Variants in ATP9A observed in about 807,000 individuals in gnomAD.
The protein encoded by ATP9A is probable phospholipid-transporting ATPase IIA.
ATP9A carries 52 observed loss-of-function variants against 144.1 expected under a neutral mutation model. The observed-to-expected ratio is 0.36, with a 90% confidence interval of 0.29 to 0.45. The LOEUF is 0.45. Among genes scored for constraint, ATP9A ranks in the 20% least tolerant of loss-of-function variants. ATP9A has a pLI of 1.00. For synonymous variants in ATP9A, 582 were observed against 557.4 expected (o/e 1.04, Z -0.62); for missense variants, 947 against 1,392.7 (o/e 0.68, Z 5.09).
intron 3 of ATP9A, among the ~76,000 whole-genome samples, chr20:51,720,397 T>C (rs2077683597): frequency 2.6e-5 from 4 of 152,216 alleles, no homozygotes; most frequent in Admixed American, 1.3e-4. Context: ...CATAAAACTA[T>C]AGAGTTTGTA....
At chr20:51,764,437 CAAG>C (rs1008998270) in intron 1 of ATP9A, among the ~76,000 whole-genome samples, 47 of 152,332 alleles carry the variant, frequency 3.1e-4, no homozygotes, top group Non-Finnish European at 4.1e-4. Context: ...GTAACTTTCT[CAAG>C]AGAGAAAAGA....
chr20:51,724,526 T>C (rs2077704012), intron 3 of ATP9A, among the ~76,000 whole-genome samples: 1 of 152,234 alleles, frequency 6.6e-6, no homozygotes, highest in African/African-American at 2.4e-5. Context: ...ATACTAAATG[T>C]ATCTGGGATA....
chr20:51,712,939 C>G, intron 4 of ATP9A, 27 bp downstream of exon 4: 1 of 1,578,608 alleles, frequency 6.3e-7, no homozygotes, highest in Non-Finnish European at 8.6e-7. Flanking sequence ...AGCTGCAACC[C>G]TGTGGCCCAG....
chr20:51,657,117 T>G lies in ATP9A; in HGVS notation c.1327A>C (p.Thr443Pro). Residue 443 changes from threonine to proline, a missense_variant, in exon 14 of 28, where the codon ACG (threonine) becomes CCG (proline). This residue lies in a region of ATP9A where 770 missense variants were observed against 1,047.9 expected (regional missense o/e 0.73). Transcript: ENST00000338821. ...SQDPPAQKGP[T>P]LTTKVRRTMS... ...GTCCGCCGGACCTTAGTGGTGAGCGTTGGGCCCTTCTGAGCCGGTGGGTCC... is the reference window on the plus strand; with the variant it reads ...GTCCGCCGGACCTTAGTGGTGAGCGGTGGGCCCTTCTGAGCCGGTGGGTCC... 6.2e-7 allele frequency: 1 copy of G among 1,614,096 alleles called. No individual in the cohort carries two copies. The highest frequency in any genetic ancestry group is 8.5e-7 in the Non-Finnish European group (1 of 1,180,014).
chr20:51,686,758 A>C (rs2077524771), intron 9 of ATP9A, among the ~76,000 whole-genome samples: 1 of 152,134 alleles, frequency 6.6e-6, no homozygotes, highest in Admixed American at 6.6e-5. Flanking sequence ...AACATGGTGA[A>C]ATCCCATCTT....
chr20:51,639,896 G>A (rs2077311428), intron 14 of ATP9A, among the ~76,000 whole-genome samples: 1 of 152,120 alleles, frequency 6.6e-6, no homozygotes, highest in South Asian at 2.1e-4. Flanking sequence ...GACCAGCCTG[G>A]CCAATATGGT....
chr20:51,679,161 T>C (rs1437857994), intron 9 of ATP9A, among the ~76,000 whole-genome samples: 1 of 151,230 alleles, frequency 6.6e-6, no homozygotes, highest in South Asian at 2.1e-4. Context: ...CCATCTCTAC[T>C]AAAAATATAA....
rs531597927 is a variant in ATP9A at position 51,618,079 on chromosome 20, A to G, written c.2351-525T>C. ...TACTAAAAATACAAAAATTAGCCAC[A>G]CGTGGTGGTGCACGCCTGCAGTCCC... On this transcript the variant is annotated intron_variant, in intron 21 of 27. Transcript: ENST00000338821. Among the ~76,000 whole-genome samples the G allele has an allele frequency of 1.2e-4, 18 of 152,112 alleles. No individual in the cohort carries two copies. In the East Asian group the frequency reaches 3.1e-3, roughly 26 times the overall value.
intron 9 of ATP9A, among the ~76,000 whole-genome samples, chr20:51,688,038 C>T (rs1453456605): frequency 2.6e-5 from 4 of 152,236 alleles, no homozygotes; most frequent in African/African-American, 9.6e-5. Flanking sequence ...AGTTCCAACT[C>T]TGCCTTTCAC....
chr20:51,664,384 C>G (rs989653799), intron 13 of ATP9A, among the ~76,000 whole-genome samples: 1 of 151,878 alleles, frequency 6.6e-6, no homozygotes, highest in Non-Finnish European at 1.5e-5. Flanking sequence ...CCCAGGAGTT[C>G]GAGACCAGCC....
intron 9 of ATP9A, among the ~76,000 whole-genome samples, chr20:51,677,366 A>G (rs555261644): frequency 6.6e-6 from 1 of 152,274 alleles, no homozygotes; most frequent in African/African-American, 2.4e-5. Flanking sequence ...AATTAAATAC[A>G]GCGCCCACCC....
chr20:51,749,298 C>A (rs894616068), intron 1 of ATP9A, among the ~76,000 whole-genome samples: 1 of 152,110 alleles, frequency 6.6e-6, no homozygotes. Context: ...AGTCTCACTC[C>A]GTCACCCAGG....
rs1243301735 is a variant in ATP9A at position 51,611,172 on chromosome 20, AG to A, written c.2572-1008del. Among the ~76,000 whole-genome samples, 1 of 152,230 alleles carries A rather than the reference AG, an allele frequency of 6.6e-6. No individual in the cohort carries two copies. The highest frequency in any genetic ancestry group is 1.9e-4 in the East Asian group (1 of 5,206). On this transcript the variant is annotated intron_variant, in intron 23 of 27. Coordinates refer to ENST00000338821, the MANE Select transcript of ATP9A (RefSeq NM_006045.3). This position sits in a 1 kb window ranked among gnomAD's most constrained non-coding sequence, Gnocchi z 4.2. ...TAGTCATTAGAAATAGCATCAGACC[AG>A]GGCTAGCTCCCCAGAGCACCTTCAA... is the stretch of plus-strand genomic sequence containing the variant.
At chr20:51,650,053 T>C (rs976782369) in intron 14 of ATP9A, among the ~76,000 whole-genome samples, 4 of 151,902 alleles carry the variant, frequency 2.6e-5, no homozygotes, top group Admixed American at 1.3e-4. Flanking sequence ...GGTCTTGAAA[T>C]ACAGACATGC....
chr20:51,690,224 T>C (rs778361023), intron 8 of ATP9A, among the ~76,000 whole-genome samples: 1 of 142,672 alleles, frequency 7.0e-6, no homozygotes, highest in Non-Finnish European at 1.5e-5. Flanking sequence ...ATCAAGACCA[T>C]CCTGGCTAAC....
At chr20:51,691,046 C>T (rs2077546527) in intron 7 of ATP9A, among the ~76,000 whole-genome samples, 1 of 152,170 alleles carries the variant, frequency 6.6e-6, no homozygotes. Context: ...TGAAGACCCT[C>T]GTTTCTCTGT....
chr20:51,612,032 G>A (rs965621832), intron 23 of ATP9A, among the ~76,000 whole-genome samples: 2 of 152,166 alleles, frequency 1.3e-5, no homozygotes, highest in Admixed American at 6.5e-5. Flanking sequence ...AATATCACCT[G>A]ATGTTTACAT....
In ATP9A at chr20:51,709,504, G is replaced by A. The variant is rs147282213; in HGVS notation, c.436+3462C>T. 9.2e-5 allele frequency among the ~76,000 whole-genome samples: 14 copies of A among 152,142 alleles called. 1 individual carries two copies. The highest frequency in any genetic ancestry group is 4.2e-4 in the South Asian group (2 of 4,808). On this transcript the variant is annotated intron_variant, in intron 4 of 27. Transcript: ENST00000338821. ...CATTCCAGCCTGCGCGAGGGGGTTC[G>A]GTGGGGAAGAAAAAAAGCAACTGTG...
At chr20:51,651,735 C>T (rs2077367577) in intron 14 of ATP9A, among the ~76,000 whole-genome samples, 1 of 151,926 alleles carries the variant, frequency 6.6e-6, no homozygotes, top group South Asian at 2.1e-4. Context: ...TTGAGACCAG[C>T]CTGGCCAGCA....
Sources: allele counts gnomAD v4.1 joint callset (sites outside exome capture counted in the v4.1 genomes callset), GRCh38; gene constraint gnomAD v4.1.1; regional missense constraint gnomAD v4.1.1; non-coding constraint Gnocchi (gnomAD v3.1); transcripts MANE v1.5; gene names NCBI Gene and HGNC (gene_info 2026-07-23, HGNC 2026-07-21).